The following DISC1 variants were observed in gnomAD, a reference collection of about 807,000 sequenced individuals.
DISC1 encodes DISC1 scaffold protein, also known as disrupted in schizophrenia 1 protein.
In DISC1, 57 loss-of-function variants were observed where a neutral mutation model predicts 84.5. The ratio of observed to expected loss-of-function variants is 0.67; its 90% confidence interval spans 0.55 to 0.84. The LOEUF (loss-of-function observed/expected upper bound fraction) is 0.84. Ranked by LOEUF, DISC1 falls within the 40% of genes least tolerant of loss-of-function variation. The pLI, the probability that DISC1 is intolerant of heterozygous loss-of-function variation, is 0.00. For missense variants in DISC1, 1,000 were observed against 1,057.8 expected, an observed-to-expected ratio of 0.95 and a Z score of 0.76; for synonymous variants, 411 against 415.2, an observed-to-expected ratio of 0.99 and a Z score of 0.12.
chr1:231,996,632 A>G (rs1227884248), intron 10 of DISC1, among the ~76,000 whole-genome samples: 1 of 152,148 alleles, frequency 6.6e-6, no homozygotes, highest in Non-Finnish European at 1.5e-5. Flanking sequence ...AAATGGATAG[A>G]AACCTACAAA....
At chr1:231,957,950 G>A (rs1232168120) in intron 9 of DISC1, among the ~76,000 whole-genome samples, 3 of 152,098 alleles carry the variant, frequency 2.0e-5, no homozygotes, top group Non-Finnish European at 4.4e-5. Context: ...GAGCCCTTCA[G>A]CATAAATAAC....
chr1:232,007,540 C>T (rs993117027), intron 10 of DISC1, among the ~76,000 whole-genome samples: 1 of 152,148 alleles, frequency 6.6e-6, no homozygotes, highest in African/African-American at 2.4e-5. Flanking sequence ...GCCAGTTTCT[C>T]CCATTTGGGA....
intron 9 of DISC1, among the ~76,000 whole-genome samples, chr1:231,865,289 A>G (rs948831629): frequency 6.6e-6 from 1 of 152,232 alleles, no homozygotes. Context: ...AGAACTGTCT[A>G]GTATCATTCG....
At chr1:232,034,867 A>G (rs1355437273) in intron 12 of DISC1, among the ~76,000 whole-genome samples, 1 of 151,716 alleles carries the variant, frequency 6.6e-6, no homozygotes, top group African/African-American at 2.4e-5. Flanking sequence ...TAGCGGAACT[A>G]TGTAAGAAAT....
intron 3 of DISC1, among the ~76,000 whole-genome samples, chr1:231,736,521 A>T (rs1392157037): frequency 6.6e-6 from 1 of 152,222 alleles, no homozygotes; most frequent in Non-Finnish European, 1.5e-5. Context: ...CTCAAAAATG[A>T]TTATTATGCT....
Position 231,673,345 on chromosome 1 carries a change from C to T in DISC1, c.68-20481C>T, listed in dbSNP as rs563596353. On this transcript the variant is annotated intron_variant, in intron 1 of 12. Coordinates refer to ENST00000439617, the MANE Select transcript of DISC1 (RefSeq NM_018662.3). Reference sequence around the variant, plus strand: ...TTCTTTTTTTAAGAAACTGGGGTCTCTCTCTGTTGTCCAGGCTGGAGTGCA... The same window carrying T: ...TTCTTTTTTTAAGAAACTGGGGTCTTTCTCTGTTGTCCAGGCTGGAGTGCA... Among the ~76,000 whole-genome samples the T allele has an allele frequency of 5.3e-5, 8 of 152,118 alleles. No individual in the cohort carries two copies. In the East Asian group the frequency reaches 1.5e-3, roughly 29 times the overall value.
At chr1:232,021,333 T>TAC (rs36231584) in intron 11 of DISC1, among the ~76,000 whole-genome samples, 13,756 of 148,078 alleles carry the variant, frequency 0.093, 670 homozygotes, top group Middle Eastern at 0.18. Flanking sequence ...ACTTGTTCTA[T>TAC]ACACACACAC....
intron 3 of DISC1, among the ~76,000 whole-genome samples, chr1:231,711,200 G>T (rs1297159718): frequency 6.6e-6 from 1 of 151,850 alleles, no homozygotes; most frequent in Non-Finnish European, 1.5e-5. Flanking sequence ...ACCATGCCAT[G>T]GTGGACAAAC....
In DISC1 at chr1:232,039,028, A is replaced by G. The variant is rs879007117; in HGVS notation, c.*2197A>G. On this transcript the variant is annotated 3_prime_UTR_variant, in exon 13 of 13. Transcript: ENST00000439617. ...TGTGAATGTGCTGATTGTGTTCCCT[A>G]TGGCTTTATCTCGAGCAAAATACAC... 6.6e-6 allele frequency: 1 copy of G among 152,230 alleles called. No individual in the cohort carries two copies. The highest frequency in any genetic ancestry group is 2.1e-4 in the South Asian group (1 of 4,830). 9.4% of individuals were successfully genotyped at this position (152,230 alleles called of 1,614,324 possible).
Position 231,750,013 on chromosome 1 carries a change from G to A in DISC1, c.1205G>A (p.Ser402Asn), listed in dbSNP as rs779592106. Residue 402 changes from serine (S) to asparagine (N), a missense_variant, in exon 4 of 13, where the codon AGC becomes AAC. Around this residue, in one of 3 missense-constraint regions of DISC1, gnomAD observed 311 missense variants for 400.1 expected, o/e 0.78. Coordinates refer to ENST00000439617, the MANE Select transcript of DISC1 (RefSeq NM_018662.3). ...CTTCCTTCAAGGCAGCCAGCTCTTA[G>A]CAGTTTCCTGGGTCACCTGGCAGCA... ...FQLPSRQPAL[S>N]SFLGHLAAQV... 6.2e-7 allele frequency: 1 copy of A among 1,614,222 alleles called. No individual in the cohort carries two copies. Among genetic ancestry groups the A allele is most frequent in the Non-Finnish European group, 8.5e-7 (1 of 1,180,038 alleles).
intron 9 of DISC1, among the ~76,000 whole-genome samples, chr1:231,856,946 A>G (rs561686987): frequency 5.1e-4 from 77 of 152,344 alleles, no homozygotes; most frequent in African/African-American, 1.8e-3. Context: ...CTGCGGCGGC[A>G]GCATGAAAAA....
intron 4 of DISC1, among the ~76,000 whole-genome samples, chr1:231,756,056 C>T (rs901610922): frequency 6.6e-6 from 1 of 152,220 alleles, no homozygotes; most frequent in Non-Finnish European, 1.5e-5. Context: ...CCAGCCCCTG[C>T]CCAGCTGCCC....
intron 12 of DISC1, 94 bp from the exon 13 acceptor site, chr1:232,036,598 A>G: frequency 7.9e-7 from 1 of 1,265,724 alleles, no homozygotes; most frequent in Non-Finnish European, 1.0e-6. Flanking sequence ...GTCAGTACCC[A>G]TCTGCTTCCA....
chr1:231,815,347 C>G (rs1435805175), intron 8 of DISC1, among the ~76,000 whole-genome samples: 2 of 152,042 alleles, frequency 1.3e-5, no homozygotes, highest in African/African-American at 2.4e-5. Flanking sequence ...CATCATCGTC[C>G]CTCCTCTGTT....
intron 3 of DISC1, chr1:231,722,672 ACAT>A: frequency 6.2e-7 from 1 of 1,608,500 alleles, no homozygotes; most frequent in Non-Finnish European, 8.5e-7. Flanking sequence ...ACTTCTTTAG[ACAT>A]CATGAAAAGA....
chr1:231,811,593 G>A (rs1286441712), intron 8 of DISC1, among the ~76,000 whole-genome samples: 2 of 152,172 alleles, frequency 1.3e-5, no homozygotes, highest in East Asian at 1.9e-4. Flanking sequence ...TAGGAGGATC[G>A]TTACAAACTG....
At chr1:231,812,542 T>C (rs1339044907) in intron 8 of DISC1, among the ~76,000 whole-genome samples, 2 of 152,228 alleles carry the variant, frequency 1.3e-5, no homozygotes, top group African/African-American at 4.8e-5. Flanking sequence ...AGCTGAATTT[T>C]AAATTGTGTT....
chr1:231,906,992 T>G (rs1304862132), intron 9 of DISC1, among the ~76,000 whole-genome samples: 1 of 151,848 alleles, frequency 6.6e-6, no homozygotes, highest in Non-Finnish European at 1.5e-5. Flanking sequence ...TTTCTTTTCT[T>G]TCTTTCTTTC....
At chr1:232,025,665 C>G (rs1449861067) in intron 11 of DISC1, among the ~76,000 whole-genome samples, 1 of 149,496 alleles carries the variant, frequency 6.7e-6, no homozygotes, top group Non-Finnish European at 1.5e-5. Context: ...GGTGCAATCT[C>G]GGCTCACTGC....
Sources: gnomAD v4.1 joint callset for allele counts (sites outside exome capture counted in the v4.1 genomes callset) on GRCh38, gnomAD v4.1.1 for gene constraint, gnomAD v4.1.1 regional missense constraint, MANE v1.5 for transcripts, NCBI Gene and HGNC (gene_info 2026-07-23, HGNC 2026-07-21) for gene names.